The following CDH9 variants were observed in gnomAD, a reference collection of about 807,000 sequenced individuals.
The protein encoded by CDH9 is cadherin 9.
In CDH9, 28 loss-of-function variants were observed where a neutral mutation model predicts 70.9. That is an observed-to-expected ratio of 0.40 (90% confidence interval 0.29 to 0.54). The LOEUF is 0.54. CDH9 is among the 20% of genes least tolerant of loss of function. The probability of loss-of-function intolerance (pLI) is 0.59; values close to 1 mark genes in which losing one functional copy is unlikely to be tolerated. For missense variants in CDH9, 874 were observed against 984.4 expected (o/e 0.89, Z 1.50); for synonymous variants, 409 against 343.1 (o/e 1.19, Z -2.12).
At chr5:26,990,725 T>G (rs1335789279) in intron 1 of CDH9, among the ~76,000 whole-genome samples, 1 of 152,196 alleles carries the variant, frequency 6.6e-6, no homozygotes, top group African/African-American at 2.4e-5. Flanking sequence ...CAAGGACAGC[T>G]GTTATCTTAC....
At chr5:26,963,732 T>A (rs1465972192) in intron 2 of CDH9, among the ~76,000 whole-genome samples, 1 of 152,082 alleles carries the variant, frequency 6.6e-6, no homozygotes, top group Non-Finnish European at 1.5e-5. Context: ...TTTGGCCTTC[T>A]TTAAAAAAAA....
At chr5:26,902,750 AG>A (rs760613623) in intron 6 of CDH9, 21 bp from the exon 7 acceptor site, 2 of 1,393,028 alleles carry the variant, frequency 1.4e-6, no homozygotes, top group Non-Finnish European at 2.0e-6. Flanking sequence ...ATAACATAAA[AG>A]AAATTAGCAT....
intron 2 of CDH9, among the ~76,000 whole-genome samples, chr5:26,947,125 T>C (rs987367368): frequency 1.3e-5 from 2 of 152,208 alleles, no homozygotes; most frequent in African/African-American, 2.4e-5. Context: ...CCAGATTTAA[T>C]GGCAATTTTT....
At chr5:26,893,210 T>C (rs1740691166) in intron 7 of CDH9, among the ~76,000 whole-genome samples, 1 of 152,226 alleles carries the variant, frequency 6.6e-6, no homozygotes, top group African/African-American at 2.4e-5. Context: ...TTTAATATAG[T>C]ACATGAAGAT....
At chr5:27,031,013 C>T (rs1367740813) in intron 1 of CDH9, among the ~76,000 whole-genome samples, 1 of 151,508 alleles carries the variant, frequency 6.6e-6, no homozygotes. Context: ...ACATTGGTTA[C>T]AAATCTACTT....
At chr5:26,914,823 T>G (rs188096612) in intron 3 of CDH9, among the ~76,000 whole-genome samples, 1 of 152,158 alleles carries the variant, frequency 6.6e-6, no homozygotes, top group Non-Finnish European at 1.5e-5. Flanking sequence ...ATTTGGGAAA[T>G]TGGCTGCAGA....
intron 2 of CDH9, among the ~76,000 whole-genome samples, chr5:26,935,082 C>G (rs1741536116): frequency 6.6e-6 from 1 of 152,082 alleles, no homozygotes; most frequent in African/African-American, 2.4e-5. Flanking sequence ...TGATTGAACA[C>G]TCAGAAGTGA....
intron 11 of CDH9, among the ~76,000 whole-genome samples, chr5:26,882,859 C>T (rs1740489951): frequency 6.6e-6 from 1 of 151,316 alleles, no homozygotes; most frequent in Admixed American, 6.6e-5. Context: ...TACACTTCAA[C>T]ATGGCCCGTG....
intron 1 of CDH9, among the ~76,000 whole-genome samples, chr5:27,001,840 A>ACTCTCTCTCTCTCTCTCT (rs1275615228): frequency 1.6e-5 from 2 of 123,488 alleles, no homozygotes; most frequent in African/African-American, 7.2e-5. Flanking sequence ...ACACACACAC[A>ACTCTCTCTCTCTCTCTCT]CACACTCTCT....
intron 2 of CDH9, among the ~76,000 whole-genome samples, chr5:26,952,592 G>A (rs1401773355): frequency 8.9e-6 from 1 of 112,744 alleles, no homozygotes; most frequent in Admixed American, 1.3e-4. Context: ...CTTAGATCGC[G>A]CCACTGCACT....
At chr5:27,010,395 T>C (rs1229288510) in intron 1 of CDH9, among the ~76,000 whole-genome samples, 1 of 152,050 alleles carries the variant, frequency 6.6e-6, no homozygotes, top group African/African-American at 2.4e-5. Context: ...CATCAAGGAG[T>C]GTCAGAGATA....
intron 2 of CDH9, among the ~76,000 whole-genome samples, chr5:26,967,883 T>A (rs1742155030): frequency 6.6e-6 from 1 of 152,078 alleles, no homozygotes; most frequent in African/African-American, 2.4e-5. Context: ...TTTTCTTTTT[T>A]AAAATTTTTT....
At chr5:27,019,852 C>A (rs559295304) in intron 1 of CDH9, among the ~76,000 whole-genome samples, 8 of 151,896 alleles carry the variant, frequency 5.3e-5, no homozygotes, top group Non-Finnish European at 8.8e-5. Context: ...TCTCTACATG[C>A]AAAATTCTTA....
At chr5:26,890,340 C>A (rs145885787) in intron 8 of CDH9, 88 bp downstream of exon 8, 1 of 1,041,436 alleles carries the variant, frequency 9.6e-7, no homozygotes, top group Non-Finnish European at 1.5e-6. Flanking sequence ...TACAATCATA[C>A]CACTCAAGAA....
intron 2 of CDH9, among the ~76,000 whole-genome samples, chr5:26,922,726 T>A (rs1741265870): frequency 6.6e-6 from 1 of 152,022 alleles, no homozygotes; most frequent in Non-Finnish European, 1.5e-5. Flanking sequence ...CTGTAATTAC[T>A]GTGTATAAAC....
intron 9 of CDH9, among the ~76,000 whole-genome samples, chr5:26,886,499 A>T (rs1740569553): frequency 2.6e-5 from 4 of 152,092 alleles, no homozygotes. Context: ...ATGCATTTTT[A>T]AAAACACCAA....
intron 2 of CDH9, among the ~76,000 whole-genome samples, chr5:26,986,399 G>A (rs1261859722): frequency 6.6e-6 from 1 of 152,020 alleles, no homozygotes; most frequent in Non-Finnish European, 1.5e-5. Context: ...GTTTATGACA[G>A]ATTATGGAAT....
chr5:26,925,268 G>A (rs143239955), intron 2 of CDH9, among the ~76,000 whole-genome samples: 31 of 151,756 alleles, frequency 2.0e-4, no homozygotes, highest in Middle Eastern at 3.4e-3. Flanking sequence ...ATAGTATCTC[G>A]TGGTTTTGAT....
At chr5:26,895,025 T>G (rs1740725441) in intron 7 of CDH9, among the ~76,000 whole-genome samples, 1 of 152,188 alleles carries the variant, frequency 6.6e-6, no homozygotes, top group South Asian at 2.1e-4. Flanking sequence ...TATTTTTACC[T>G]AGCACAAATA....
Sources: gnomAD v4.1 joint callset for allele counts (sites outside exome capture counted in the v4.1 genomes callset) on GRCh38, gnomAD v4.1.1 for gene constraint, MANE v1.5 for transcripts, NCBI Gene and HGNC (gene_info 2026-07-23, HGNC 2026-07-21) for gene names.